Variants in ADGRL1 observed in about 807,000 individuals in gnomAD.
ADGRL1 encodes the protein adhesion G protein-coupled receptor L1.
A neutral mutation model predicts 148.9 loss-of-function variants in ADGRL1; 31 were observed. The observed-to-expected ratio is 0.21, with a 90% confidence interval of 0.16 to 0.28. ADGRL1 has a LOEUF of 0.28. ADGRL1 is among the 10% of genes least tolerant of loss of function. ADGRL1 has a pLI of 1.00. For missense variants in ADGRL1, 1,521 were observed against 2,058.8 expected (o/e 0.74, Z 5.05); for synonymous variants, 937 against 900.3 (o/e 1.04, Z -0.73).
At position 14,157,610 on chromosome 19, in the gene ADGRL1, G is replaced by A. The variant is rs540181448; in HGVS notation, c.2536-150C>T. On this transcript the variant is annotated intron_variant, in intron 13 of 22. Coordinates refer to ENST00000361434, the MANE Select transcript of ADGRL1 (RefSeq NM_014921.5). This position sits in a 1 kb window ranked among gnomAD's most constrained non-coding sequence, Gnocchi z 7.5. ...CCTGGCAGCCCTCACCCCTCTGCAC[G>A]CAGCAATGCGCTCACTTCCTCATGC... The A allele has an allele frequency of 9.4e-5, 74 of 786,468 alleles. 1 individual carries two copies. The South Asian group carries it at 1.1e-3, about 11-fold the overall frequency. 48.7% of individuals were successfully genotyped at this position (786,468 alleles called of 1,614,324 possible).
At chr19:14,196,967 C>T (rs7250369) in intron 1 of ADGRL1, among the ~76,000 whole-genome samples, 115,256 of 152,008 alleles carry the variant, frequency 0.76, 44,534 homozygotes, top group African/African-American at 0.92. Flanking sequence ...AATTGTTCAA[C>T]GAAGAACCTT....
At chr19:14,166,832 G>A (rs1238430756) in intron 4 of ADGRL1, among the ~76,000 whole-genome samples, 1 of 152,172 alleles carries the variant, frequency 6.6e-6, no homozygotes, top group African/African-American at 2.4e-5. Flanking sequence ...TCTGGAGGGT[G>A]GAGATGCCCG....
At chr19:14,179,056 T>C (rs1050700985) in intron 2 of ADGRL1, among the ~76,000 whole-genome samples, 1 of 151,896 alleles carries the variant, frequency 6.6e-6, no homozygotes. Flanking sequence ...TGGTGGCATG[T>C]GCCTGTAATC....
intron 4 of ADGRL1, 59 bp from the exon 5 acceptor site, chr19:14,163,465 G>GGAGAGAGAGAGAGAGAGA (rs71170599): frequency 7.5e-5 from 53 of 702,302 alleles, no homozygotes; most frequent in African/African-American, 6.8e-4. Flanking sequence ...GCGAGAGGGA[G>GGAGAGAGAGAGAGAGAGA]GAGAGAGAGA....
chr19:14,166,714 G>A (rs182634093), intron 4 of ADGRL1, among the ~76,000 whole-genome samples: 120 of 147,726 alleles, frequency 8.1e-4, no homozygotes, highest in African/African-American at 2.8e-3. Context: ...ATGAGAAAAG[G>A]CCAGGTCCCC....
At position 14,155,430 on chromosome 19, in the gene ADGRL1, A is replaced by T; in HGVS notation, c.3223T>A (p.Tyr1075Asn). 6.2e-7 allele frequency: 1 copy of T among 1,614,170 alleles called. No homozygotes were observed. The highest frequency in any genetic ancestry group is 8.5e-7 in the Non-Finnish European group (1 of 1,180,014). ...AAGGCGTTGAAGGTGGTGAAGAGAT[A>T]GGCCATGACCACCGACTCCTTGTTG... The part of the protein sequence containing the change: ...FINKESVVMA[Y>N]LFTTFNAFQG... The change falls in exon 18 of 23, where the codon TAT becomes AAT. Residue 1075 changes from tyrosine (Y) to asparagine (N), a missense_variant. Physicochemically the swap from Tyr to Asn is moderately radical, Grantham distance 143. Around this residue, in one of 8 missense-constraint regions of ADGRL1, gnomAD observed 185 missense variants for 251.7 expected, o/e 0.74. Transcript: ENST00000361434. The surrounding 1 kb of genome is among the most constrained non-coding windows in gnomAD (Gnocchi z 5.0).
chr19:14,204,739 A>AGAGAGG (rs1218560436), intron 1 of ADGRL1, among the ~76,000 whole-genome samples: 3 of 148,472 alleles, frequency 2.0e-5, no homozygotes, highest in African/African-American at 7.6e-5. Context: ...AGAGAGAGAG[A>AGAGAGG]GACAGACAGA....
intron 3 of ADGRL1, among the ~76,000 whole-genome samples, chr19:14,174,218 G>A (rs1970667156): frequency 6.6e-6 from 1 of 152,018 alleles, no homozygotes; most frequent in African/African-American, 2.4e-5. Flanking sequence ...AGTCAGCAGG[G>A]AGAATTTGGA....
chr19:14,157,845 G>A lies in ADGRL1; in HGVS notation c.2535+37C>T, dbSNP rs755062751. 2.0e-5 allele frequency: 32 copies of A among 1,607,088 alleles called. No homozygotes were observed. The East Asian group carries it at 3.3e-4, about 17-fold the overall frequency. ...GCCATGCAAAGCCAGGCCAGCAATC[G>A]GGCCTGCCTGGAGGAGCAGAGCACC... On this transcript the variant is annotated intron_variant, in intron 13 of 22. Coordinates refer to ENST00000361434, the MANE Select transcript of ADGRL1 (RefSeq NM_014921.5). The surrounding 1 kb of genome is among the most constrained non-coding windows in gnomAD (Gnocchi z 7.5).
At chr19:14,176,667 C>A (rs1970848792) in intron 3 of ADGRL1, among the ~76,000 whole-genome samples, 1 of 151,480 alleles carries the variant, frequency 6.6e-6, no homozygotes, top group South Asian at 2.1e-4. Context: ...CAAGACCCTG[C>A]CTCTACAAAA....
At position 14,152,864 on chromosome 19, in the gene ADGRL1, G is replaced by A. The variant is rs1483683409; in HGVS notation, c.3343C>T (p.Arg1115Cys). The change falls in exon 19 of 23, where the codon CGC becomes TGC. Residue 1115 changes from arginine to cysteine, a missense_variant. Around this residue, in one of 8 missense-constraint regions of ADGRL1, gnomAD observed 185 missense variants for 251.7 expected, o/e 0.74. Coordinates refer to ENST00000361434, the MANE Select transcript of ADGRL1 (RefSeq NM_014921.5). The surrounding 1 kb of genome is among the most constrained non-coding windows in gnomAD (Gnocchi z 6.1). ...CCGTGAGTGCCCCCGGGTGGGGAGC[G>A]GATGCAGCAGTAGGAGTGACGCAGG... ...KCLRHSYCCI[R>C]SPPGGTHGSL... The A allele has an allele frequency of 5.0e-6, 8 of 1,614,162 alleles. No individual in the cohort carries two copies. The highest frequency in any genetic ancestry group is 1.1e-5 in the South Asian group (1 of 91,080).
intron 4 of ADGRL1, among the ~76,000 whole-genome samples, chr19:14,166,231 C>T (rs1238010274): frequency 6.6e-6 from 1 of 151,506 alleles, no homozygotes; most frequent in Non-Finnish European, 1.5e-5. Context: ...ACGAGGCCCG[C>T]CCCCGCCCCC....
chr19:14,152,185 G>A lies in ADGRL1; in HGVS notation c.3650-35C>T, dbSNP rs1038430972. 3 of 1,613,958 alleles carry A rather than the reference G, an allele frequency of 1.9e-6. No individual in the cohort carries two copies. Among genetic ancestry groups the A allele is most frequent in the African/African-American group, 2.7e-5 (2 of 74,904 alleles). On this transcript the variant is annotated intron_variant, in intron 21 of 22. Coordinates refer to ENST00000361434, the MANE Select transcript of ADGRL1 (RefSeq NM_014921.5). This position sits in a 1 kb window ranked among gnomAD's most constrained non-coding sequence, Gnocchi z 6.1. ...GCAGCCAGAAGAGAGAAGAGAAAAGGCAAGGATGAGCTCGAAATGCAAGTC... is the reference window on the plus strand; with the variant it reads ...GCAGCCAGAAGAGAGAAGAGAAAAGACAAGGATGAGCTCGAAATGCAAGTC...
intron 4 of ADGRL1, 76 bp from the exon 5 acceptor site, chr19:14,163,482 GA>G: frequency 9.2e-7 from 1 of 1,086,332 alleles, no homozygotes; most frequent in Admixed American, 2.7e-5. Flanking sequence ...GAGAGAGAGA[GA>G]GAGAGAGAGA....
At chr19:14,165,180 G>A (rs1035118923) in intron 4 of ADGRL1, among the ~76,000 whole-genome samples, 4 of 152,188 alleles carry the variant, frequency 2.6e-5, no homozygotes, top group African/African-American at 9.7e-5. Flanking sequence ...GCACAAAGCA[G>A]CCAGGATGTA....
In ADGRL1 at chr19:14,159,930, A is replaced by G. The variant is rs1969169258; in HGVS notation, c.1801-157T>C. Among the ~76,000 whole-genome samples the G allele has an allele frequency of 6.6e-6, 1 of 152,094 alleles. No homozygotes were observed. Among genetic ancestry groups the G allele is most frequent in the Non-Finnish European group, 1.5e-5 (1 of 67,984 alleles). Reference sequence around the variant, plus strand: ...TCCTCAGGGATCCCCAACCCCCAGGACCATCCGGGGCAGCACAGGAGTGAG... The same window carrying G: ...TCCTCAGGGATCCCCAACCCCCAGGGCCATCCGGGGCAGCACAGGAGTGAG... On this transcript the variant is annotated intron_variant, in intron 8 of 22. Coordinates refer to ENST00000361434, the MANE Select transcript of ADGRL1 (RefSeq NM_014921.5). The surrounding 1 kb of genome is among the most constrained non-coding windows in gnomAD (Gnocchi z 6.0).
At chr19:14,168,514 C>T (rs1004954255) in intron 4 of ADGRL1, among the ~76,000 whole-genome samples, 4 of 152,130 alleles carry the variant, frequency 2.6e-5, no homozygotes, top group African/African-American at 9.7e-5. Context: ...AGCCACTCAT[C>T]CTCTGAACTG....
intron 1 of ADGRL1, among the ~76,000 whole-genome samples, chr19:14,195,659 T>C (rs1388794294): frequency 2.0e-5 from 3 of 152,166 alleles, no homozygotes; most frequent in Admixed American, 1.3e-4. Context: ...GGCAGGTCCA[T>C]AAGGAAGCCG....
chr19:14,153,049 C>T (rs1235938982), intron 18 of ADGRL1, 137 bp from the exon 19 acceptor site: 7 of 979,702 alleles, frequency 7.1e-6, no homozygotes, highest in Admixed American at 5.1e-5. Flanking sequence ...CCCTGTTCAG[C>T]GACTTGCAGG....
Sources: allele counts gnomAD v4.1 joint callset (sites outside exome capture counted in the v4.1 genomes callset), GRCh38; gene constraint gnomAD v4.1.1; regional missense constraint gnomAD v4.1.1; non-coding constraint Gnocchi (gnomAD v3.1); transcripts MANE v1.5; gene names NCBI Gene and HGNC (gene_info 2026-07-23, HGNC 2026-07-21).